STAU1: variants seen among roughly 807,000 people sequenced by gnomAD.
STAU1 encodes the protein double-stranded RNA-binding protein Staufen homolog 1.
A neutral mutation model predicts 62.9 loss-of-function variants in STAU1; 13 were observed. That is an observed-to-expected ratio of 0.21 (90% CI 0.13 to 0.33). STAU1 has a LOEUF of 0.33. STAU1 is among the 10% of genes least tolerant of loss of function. The pLI is 1.00. For missense variants in STAU1, 571 were observed against 712.1 expected (o/e 0.80, Z 2.25); for synonymous variants, 269 against 265.1 (o/e 1.01, Z -0.14).
chr20:49,200,106 A>C, the STAU1 span, among the ~76,000 whole-genome samples: 1 of 152,224 alleles, frequency 6.6e-6, no homozygotes. Context: ...TATACTTATC[A>C]TACAACCCAG....
At chr20:49,211,859 C>A in the STAU1 span, among the ~76,000 whole-genome samples, 1 of 152,166 alleles carries the variant, frequency 6.6e-6, no homozygotes, top group African/African-American at 2.4e-5. Flanking sequence ...GAGTACCTGG[C>A]TGTCATATGC....
At chr20:49,157,431 A>C (rs1003226682) in intron 3 of STAU1, among the ~76,000 whole-genome samples, 4 of 151,342 alleles carry the variant, frequency 2.6e-5, no homozygotes, top group Admixed American at 2.6e-4. Context: ...CTCCCACCTC[A>C]ACCTCCTGAG....
the STAU1 span, among the ~76,000 whole-genome samples, chr20:49,201,044 CAAAAAAAAAAAAAAAA>C: frequency 3.2e-5 from 1 of 31,500 alleles, no homozygotes; most frequent in Non-Finnish European, 5.6e-5. Flanking sequence ...GACCCACTCT[CAAAAAAAAAAAAAAAA>C]AAAAAAAAAA....
At chr20:49,149,893 C>T (rs370525623) in intron 5 of STAU1, among the ~76,000 whole-genome samples, 16 of 152,364 alleles carry the variant, frequency 1.1e-4, no homozygotes, top group African/African-American at 3.4e-4. Flanking sequence ...GCCCAAGGTC[C>T]ACTCGGGTCT....
At chr20:49,195,898 C>CAAAAAAAA in the STAU1 span, among the ~76,000 whole-genome samples, 7 of 33,820 alleles carry the variant, frequency 2.1e-4, no homozygotes, top group East Asian at 1.9e-3. Context: ...AACTTCCTCT[C>CAAAAAAAA]AAAAAAAAAA....
In STAU1 at chr20:49,117,769, A is replaced by G. The variant is rs1221950183; in HGVS notation, c.1509+8T>C. On this transcript the variant is annotated splice_region_variant and intron_variant, in intron 11 of 13. Transcript: ENST00000371856. The surrounding 1 kb of genome is among the most constrained non-coding windows in gnomAD (Gnocchi z 4.6). The stretch of plus-strand genomic sequence containing the variant: ...GCACAGCCATCACAGCTCAGGCCAG[A>G]CAGTTACCTGGAATCCCTGGACTCT... 1.2e-6 allele frequency: 2 copies of G among 1,600,820 alleles called. No individual in the cohort carries two copies. Among genetic ancestry groups the G allele is most frequent in the Admixed American group, 1.7e-5 (1 of 59,602 alleles).
intron 2 of STAU1, among the ~76,000 whole-genome samples, chr20:49,172,558 T>C (rs1373155432): frequency 6.6e-6 from 1 of 152,208 alleles, no homozygotes; most frequent in Non-Finnish European, 1.5e-5. Context: ...AGGCTTTTCC[T>C]TTCAGAAAAG....
At chr20:49,171,068 A>T (rs2093590668) in intron 2 of STAU1, among the ~76,000 whole-genome samples, 1 of 152,250 alleles carries the variant, frequency 6.6e-6, no homozygotes, top group African/African-American at 2.4e-5. Context: ...GCTGGAAAGG[A>T]TCTGTGTGTT....
chr20:49,205,459 G>A, the STAU1 span, among the ~76,000 whole-genome samples: 3 of 140,330 alleles, frequency 2.1e-5, no homozygotes, highest in Admixed American at 7.9e-5. Flanking sequence ...TCCGCCTCCC[G>A]GGTTCAAGAG....
chr20:49,207,228 A>G, the STAU1 span, among the ~76,000 whole-genome samples: 1 of 151,782 alleles, frequency 6.6e-6, no homozygotes. Context: ...CCTGCAAAAA[A>G]AAAAAAGAAG....
intron 1 of STAU1, among the ~76,000 whole-genome samples, chr20:49,177,708 A>AT (rs1472761292): frequency 1.3e-5 from 2 of 152,066 alleles, no homozygotes; most frequent in African/African-American, 4.8e-5. Context: ...TAAAACACAC[A>AT]TAAAAAAAGC....
At chr20:49,131,960 T>A (rs899071855) in intron 6 of STAU1, among the ~76,000 whole-genome samples, 1 of 152,170 alleles carries the variant, frequency 6.6e-6, no homozygotes, top group African/African-American at 2.4e-5. Flanking sequence ...TTAGATAGAT[T>A]TGAAATTTTT....
At position 49,126,652 on chromosome 20, in the gene STAU1, T is replaced by C. The variant is rs959347914; in HGVS notation, c.610-2065A>G. Among the ~76,000 whole-genome samples, 9 of 110,014 alleles carry C rather than the reference T, an allele frequency of 8.2e-5. No individual in the cohort carries two copies. In the South Asian group the frequency reaches 1.6e-3, roughly 19 times the overall value. The allele number at this position is 110,014 out of a possible 152,430, so 72.2% of individuals were successfully genotyped here. A position where few individuals can be genotyped will look rare whatever the true frequency, so the allele number is the denominator to read the frequency against. ...TAGCCAAGACACTCAAAAAGAAAAATAGAAGACTTACACTACCAGATTTTA... is the reference window on the plus strand; with the variant it reads ...TAGCCAAGACACTCAAAAAGAAAAACAGAAGACTTACACTACCAGATTTTA... On this transcript the variant is annotated intron_variant, in intron 6 of 13. Coordinates refer to ENST00000371856, the MANE Select transcript of STAU1 (RefSeq NM_017453.4).
chr20:49,195,579 C>A, the STAU1 span, among the ~76,000 whole-genome samples: 1 of 116,416 alleles, frequency 8.6e-6, no homozygotes, highest in Non-Finnish European at 1.8e-5. Flanking sequence ...ACAGACAGTT[C>A]ATGGGAAAGG....
At chr20:49,154,093 G>C in intron 3 of STAU1, 22 bp from the exon 4 acceptor site, 1 of 1,583,966 alleles carries the variant, frequency 6.3e-7, no homozygotes, top group Non-Finnish European at 8.5e-7. Flanking sequence ...AATCGACAAA[G>C]AACTGTTTTT....
Position 49,125,088 on chromosome 20 carries a change from A to AAAAC in STAU1, c.610-505_610-502dup, listed in dbSNP as rs1210889994. 1.9e-4 allele frequency among the ~76,000 whole-genome samples: 29 copies of AAAAC among 150,362 alleles called. 1 individual carries two copies. Among genetic ancestry groups the AAAAC allele is most frequent in the Non-Finnish European group, 4.0e-4 (27 of 67,564 alleles). ...ACATTAAGTAAAAAAAAAAAAAAAA[A>AAAAC]AAACCCACAAAAGAGTATATGGTAT... On this transcript the variant is annotated intron_variant, in intron 6 of 13. Transcript: ENST00000371856.
intron 3 of STAU1, among the ~76,000 whole-genome samples, chr20:49,162,046 G>A (rs1408654305): frequency 2.0e-5 from 3 of 152,144 alleles, no homozygotes; most frequent in African/African-American, 4.8e-5. Flanking sequence ...GCCGCCAGCT[G>A]TACCCCGCCC....
chr20:49,189,312 T>C (rs1321697354), upstream of STAU1, among the ~76,000 whole-genome samples: 1 of 147,958 alleles, frequency 6.8e-6, no homozygotes, highest in Non-Finnish European at 1.5e-5. Context: ...GCAGCTGTAT[T>C]GTATGGGAGG....
upstream of STAU1, among the ~76,000 whole-genome samples, chr20:49,190,752 G>A (rs2093830117): frequency 6.6e-6 from 1 of 152,094 alleles, no homozygotes; most frequent in Admixed American, 6.6e-5. Flanking sequence ...TTGAGAAAAA[G>A]ATGGAAGCTG....
Sources: gnomAD v4.1 joint callset for allele counts (sites outside exome capture counted in the v4.1 genomes callset) on GRCh38, gnomAD v4.1.1 for gene constraint, Gnocchi (gnomAD v3.1) non-coding constraint, MANE v1.5 for transcripts, NCBI Gene and HGNC (gene_info 2026-07-23, HGNC 2026-07-21) for gene names.